Variants in KIAA1217 observed in about 807,000 individuals in gnomAD.
KIAA1217 encodes the protein KIAA1217.
KIAA1217 carries 88 observed loss-of-function variants against 163.9 expected under a neutral mutation model. The ratio of observed to expected loss-of-function variants is 0.54; its 90% CI spans 0.45 to 0.64. KIAA1217 has a LOEUF of 0.64. Among genes scored for constraint, KIAA1217 ranks in the 30% least tolerant of loss-of-function variants. The pLI is 0.00. For synonymous variants in KIAA1217, 903 were observed against 923.1 expected, an observed-to-expected ratio of 0.98 and a Z score of 0.39; for missense variants, 2,372 against 2,475.0, an observed-to-expected ratio of 0.96 and a Z score of 0.88.
At chr10:24,117,283 C>T (rs558153425) in intron 2 of KIAA1217, among the ~76,000 whole-genome samples, 126 of 152,230 alleles carry the variant, frequency 8.3e-4, no homozygotes, top group African/African-American at 2.9e-3. Flanking sequence ...GTGATCCGCC[C>T]GCCTTGGCCT....
At chr10:24,102,592 G>A (rs148986040) in intron 2 of KIAA1217, among the ~76,000 whole-genome samples, 11 of 152,276 alleles carry the variant, frequency 7.2e-5, no homozygotes, top group Non-Finnish European at 1.6e-4. Context: ...ACACCATATT[G>A]AAGGAGAAGA....
At chr10:24,056,962 A>G (rs2060551733) in intron 2 of KIAA1217, among the ~76,000 whole-genome samples, 1 of 152,214 alleles carries the variant, frequency 6.6e-6, no homozygotes, top group Non-Finnish European at 1.5e-5. Context: ...TACAATGAAG[A>G]GAAAACTGAC....
intron 2 of KIAA1217, among the ~76,000 whole-genome samples, chr10:24,282,206 A>G (rs375490516): frequency 6.6e-6 from 1 of 151,452 alleles, no homozygotes; most frequent in Non-Finnish European, 1.5e-5. Context: ...CCTCTACAAA[A>G]TTTTTTTTTC....
chr10:24,283,858 C>T (rs2132280998), intron 2 of KIAA1217, among the ~76,000 whole-genome samples: 1 of 151,672 alleles, frequency 6.6e-6, no homozygotes, highest in Non-Finnish European at 1.5e-5. Context: ...TTTTAATTTG[C>T]AATTCCTTAA....
intron 2 of KIAA1217, among the ~76,000 whole-genome samples, chr10:24,347,812 G>A (rs2047976902): frequency 6.6e-6 from 1 of 152,088 alleles, no homozygotes; most frequent in Non-Finnish European, 1.5e-5. Context: ...AATAAAAAAT[G>A]CATATATTTA....
intron 2 of KIAA1217, among the ~76,000 whole-genome samples, chr10:24,038,717 C>T (rs2131551905): frequency 6.6e-6 from 1 of 151,716 alleles, no homozygotes; most frequent in Admixed American, 6.6e-5. Context: ...ATTCCAAAGC[C>T]CACTGGGCAT....
At chr10:24,094,132 G>A (rs533290204) in intron 2 of KIAA1217, among the ~76,000 whole-genome samples, 2 of 152,186 alleles carry the variant, frequency 1.3e-5, no homozygotes, top group Admixed American at 6.5e-5. Context: ...TGTCTTTATA[G>A]CAGCATGATT....
At chr10:24,476,285 G>T (rs906010008) in intron 6 of KIAA1217, among the ~76,000 whole-genome samples, 1 of 152,100 alleles carries the variant, frequency 6.6e-6, no homozygotes, top group African/African-American at 2.4e-5. Flanking sequence ...AAGACGTTTA[G>T]TTATGGAGAG....
At chr10:23,896,257 A>G (rs904250994) in intron 1 of KIAA1217, among the ~76,000 whole-genome samples, 2 of 151,998 alleles carry the variant, frequency 1.3e-5, no homozygotes, top group African/African-American at 4.8e-5. Flanking sequence ...GTTTTTAATC[A>G]TCCACAGAAT....
At chr10:24,026,099 T>C (rs1027846170) in intron 2 of KIAA1217, among the ~76,000 whole-genome samples, 1 of 151,904 alleles carries the variant, frequency 6.6e-6, no homozygotes, top group Non-Finnish European at 1.5e-5. Flanking sequence ...TAGAGCAACT[T>C]TACATTTCTG....
chr10:24,239,360 T>C, intron 2 of KIAA1217: 1 of 955,228 alleles, frequency 1.0e-6, no homozygotes, highest in Non-Finnish European at 1.2e-6. Flanking sequence ...GGTTTTTTTC[T>C]TCCAAGTTTT....
intron 1 of KIAA1217, among the ~76,000 whole-genome samples, chr10:23,972,985 G>C (rs538590712): frequency 1.3e-5 from 2 of 152,196 alleles, no homozygotes; most frequent in East Asian, 3.9e-4. Context: ...AGGGAATTTA[G>C]ATGGCAGGTC....
intron 1 of KIAA1217, among the ~76,000 whole-genome samples, chr10:23,705,594 C>G (rs911950469): frequency 3.9e-5 from 6 of 152,092 alleles, no homozygotes; most frequent in South Asian, 4.1e-4. Context: ...TTTTATTGAT[C>G]TGTATGTTCA....
At chr10:24,326,309 A>C (rs2044882327) in intron 2 of KIAA1217, among the ~76,000 whole-genome samples, 1 of 152,186 alleles carries the variant, frequency 6.6e-6, no homozygotes, top group African/African-American at 2.4e-5. Context: ...CTTATAGAAA[A>C]AAAAGACTTA....
chr10:23,965,244 A>G (rs1440180013), intron 1 of KIAA1217, among the ~76,000 whole-genome samples: 1 of 152,244 alleles, frequency 6.6e-6, no homozygotes, highest in African/African-American at 2.4e-5. Context: ...GACAAACATC[A>G]TGCTGCATCC....
intron 2 of KIAA1217, among the ~76,000 whole-genome samples, chr10:24,075,119 TAC>T (rs71397929): frequency 0.081 from 10,592 of 131,220 alleles, 370 homozygotes; most frequent in Middle Eastern, 0.16. Flanking sequence ...TCCCCCTAAA[TAC>T]ACACACACAC....
At chr10:23,875,364 A>G (rs1288939441) in intron 1 of KIAA1217, among the ~76,000 whole-genome samples, 2 of 152,028 alleles carry the variant, frequency 1.3e-5, no homozygotes, top group Admixed American at 1.3e-4. Context: ...ATATAATTTT[A>G]TAGGTGCAGA....
chr10:24,358,041 C>T (rs781296140), intron 2 of KIAA1217, among the ~76,000 whole-genome samples: 14 of 152,334 alleles, frequency 9.2e-5, no homozygotes, highest in Middle Eastern at 3.4e-3. Flanking sequence ...GCAAGCTGCA[C>T]AGAGCCAAGA....
chr10:23,899,916 T>G (rs75552784), intron 1 of KIAA1217, among the ~76,000 whole-genome samples: 1,678 of 152,118 alleles, frequency 0.011, 37 homozygotes, highest in African/African-American at 0.039. Context: ...CTTTCCCTCT[T>G]TCTTTTCTTT....
Sources: allele counts gnomAD v4.1 joint callset (sites outside exome capture counted in the v4.1 genomes callset), GRCh38; gene constraint gnomAD v4.1.1; transcripts MANE v1.5; gene names NCBI Gene and HGNC (gene_info 2026-07-23, HGNC 2026-07-21).